IFI30: variants seen among roughly 807,000 people sequenced by gnomAD.
The protein encoded by IFI30 is IFI30 lysosomal thiol reductase, also known as gamma-interferon-inducible lysosomal thiol reductase.
Under a neutral mutation model 30.1 loss-of-function variants are expected in IFI30, and 26 were observed. That is an observed-to-expected ratio of 0.87 (90% CI 0.63 to 1.20). The LOEUF (loss-of-function observed/expected upper bound fraction) is 1.20. IFI30 is among the 50% of genes most tolerant of loss of function. The probability of loss-of-function intolerance (pLI) is 0.00; values close to 1 mark genes in which losing one functional copy is unlikely to be tolerated. For synonymous variants in IFI30, 149 were observed against 134.5 expected (o/e 1.11, Z -0.75); for missense variants, 296 against 312.5 (o/e 0.95, Z 0.40).
Position 18,175,346 on chromosome 19 carries a change from C to T in IFI30, c.351C>T (p.Cys117=). 6.3e-7 allele frequency: 1 copy of T among 1,592,426 alleles called. No individual in the cohort carries two copies. The change falls in exon 3 of 7, where the codon TGC becomes TGT. Residue 117 remains cysteine (C), a synonymous_variant. Transcript: ENST00000407280. Reference sequence around the variant, plus strand: ...TCAGTGGCAGGTGGGAGTTCAAGTGCCAGCATGGAGAAGAGGAGTGCAAAT... The same window carrying T: ...TCAGTGGCAGGTGGGAGTTCAAGTGTCAGCATGGAGAAGAGGAGTGCAAAT... ...QNVSGRWEFK[C]QHGEEECKFN... is the part of the protein sequence containing the mutation.
intron 5 of IFI30, 134 bp from the exon 6 acceptor site, chr19:18,177,577 A>T: frequency 9.6e-7 from 1 of 1,044,834 alleles, no homozygotes. Context: ...ATTGGGAAAG[A>T]TGTGCCACTG....
chr19:18,175,548 T>C, intron 3 of IFI30, 57 bp from the exon 4 acceptor site: 1 of 1,488,776 alleles, frequency 6.7e-7, no homozygotes, highest in East Asian at 2.4e-5. Flanking sequence ...TACGAGAGGG[T>C]GTCAGGGTAC....
chr19:18,177,074 G>A, intron 4 of IFI30, 66 bp from the exon 5 acceptor site: 6 of 1,458,720 alleles, frequency 4.1e-6, no homozygotes, highest in Non-Finnish European at 5.5e-6. Flanking sequence ...GCTCAGGGCT[G>A]GTGGGCGGGA....
intron 5 of IFI30, 194 bp from the exon 6 acceptor site, chr19:18,177,517 C>CA (rs1430307220): frequency 1.0e-5 from 8 of 766,662 alleles, no homozygotes; most frequent in Admixed American, 2.4e-5. Flanking sequence ...GTCCATCAGG[C>CA]AAAAAAAGTA....
chr19:18,175,365 T>C lies in IFI30; in HGVS notation c.370T>C (p.Cys124Arg). ...EFKCQHGEEECKFNKVEACVL... is the reference protein window; with the variant it reads ...EFKCQHGEEERKFNKVEACVL... ...CAAGTGCCAGCATGGAGAAGAGGAG[T>C]GCAAATTCAACAAGGTGGAGGTGAG... The change falls in exon 3 of 7, where the codon TGC (cysteine) becomes CGC (arginine). Residue 124 changes from cysteine (C) to arginine (R), a missense_variant. Transcript: ENST00000407280. The C allele has an allele frequency of 6.3e-7, 1 of 1,590,566 alleles. No individual in the cohort carries two copies. The highest frequency in any genetic ancestry group is 8.6e-7 in the Non-Finnish European group (1 of 1,169,442).
chr19:18,177,030 AC>A, intron 4 of IFI30, 109 bp from the exon 5 acceptor site: 1 of 1,182,598 alleles, frequency 8.5e-7, no homozygotes, highest in Non-Finnish European at 1.2e-6. Flanking sequence ...TGTGAAGCCA[AC>A]TGTACCCTCT....
chr19:18,173,891 TG>T lies in IFI30; in HGVS notation c.52del (p.Asp18ThrfsTer15), dbSNP rs764788458. 856 of 1,551,202 alleles carry T rather than the reference TG, an allele frequency of 5.5e-4. 6 individuals carry two copies. In the Middle Eastern group the frequency reaches 0.016, roughly 29 times the overall value. ...TTCCTGCCACCGCTGCTGCTGCTGC[TG>T]GACGTCCCCACGGCGGCGGTGCAGG... ...LLFLPPLLLL[L>X]DVPTAAVQAS... On this transcript the variant is annotated frameshift_variant, in exon 1 of 7. Transcript: ENST00000407280. LOFTEE classifies it high-confidence loss of function.
intron 5 of IFI30, 21 bp from the exon 6 acceptor site, chr19:18,177,690 C>T (rs374435415): frequency 7.4e-6 from 12 of 1,613,118 alleles, no homozygotes; most frequent in East Asian, 2.2e-5. Context: ...GAATATGCGA[C>T]CCCTGTCTTG....
chr19:18,174,115 C>G, intron 1 of IFI30, 142 bp downstream of exon 1: 1 of 781,816 alleles, frequency 1.3e-6, no homozygotes, highest in Non-Finnish European at 2.0e-6. Context: ...TGGAAAAACC[C>G]TGTTCAGTTC....
intron 4 of IFI30, 71 bp from the exon 5 acceptor site, chr19:18,177,069 G>A: frequency 2.1e-6 from 3 of 1,449,586 alleles, no homozygotes; most frequent in Non-Finnish European, 2.8e-6. Flanking sequence ...GCTTGGCTCA[G>A]GGCTGGTGGG....
At position 18,175,391 on chromosome 19, in the gene IFI30, C is replaced by G; in HGVS notation, c.390+6C>G. ...GCAAATTCAACAAGGTGGAGGTGAGCGGCCCCAGGGCCCCACACTGGGGTG... is the reference window on the plus strand; with the variant it reads ...GCAAATTCAACAAGGTGGAGGTGAGGGGCCCCAGGGCCCCACACTGGGGTG... On this transcript the variant is annotated splice_donor_region_variant and intron_variant, in intron 3 of 6. Transcript: ENST00000407280. 6.3e-7 allele frequency: 1 copy of G among 1,583,058 alleles called. No individual in the cohort carries two copies. The highest frequency in any genetic ancestry group is 8.6e-7 in the Non-Finnish European group (1 of 1,165,322).
chr19:18,175,413 G>T (rs1392335552), intron 3 of IFI30, 28 bp downstream of exon 3: 4 of 1,564,340 alleles, frequency 2.6e-6, no homozygotes, highest in Non-Finnish European at 3.5e-6. Context: ...CCCACACTGG[G>T]GTGGGGGAAA....
chr19:18,176,880 A>G (rs537160715), intron 4 of IFI30, among the ~76,000 whole-genome samples: 119 of 152,240 alleles, frequency 7.8e-4, no homozygotes, highest in Non-Finnish European at 1.2e-3. Context: ...GTGAGATACT[A>G]TGGGGGTCAG....
chr19:18,174,162 C>A, intron 1 of IFI30, 189 bp downstream of exon 1: 1 of 573,966 alleles, frequency 1.7e-6, no homozygotes, highest in Non-Finnish European at 3.0e-6. Context: ...TGCCGTTTCG[C>A]TTTCGCATCC....
At position 18,175,059 on chromosome 19, in the gene IFI30, G is replaced by C. The variant is rs200549788; in HGVS notation, c.152G>C (p.Arg51Pro). The stretch of plus-strand genomic sequence containing the variant: ...CCACAGACAGGCAATCTATACCTGC[G>C]GGGGCCCCTGAAGAAGTCCAATGCA... ...VNYKTGNLYL[R>P]GPLKKSNAPL... Residue 51 changes from arginine (R) to proline (P), a missense_variant, in exon 2 of 7, where the codon CGG becomes CCG. Physicochemically the swap from Arg to Pro is moderately radical, Grantham distance 103. Coordinates refer to ENST00000407280, the MANE Select transcript of IFI30 (RefSeq NM_006332.5). The C allele has an allele frequency of 1.7e-4, 282 of 1,613,580 alleles. No individual in the cohort carries two copies. The African/African-American group carries it at 3.4e-3, about 20-fold the overall frequency.
At chr19:18,175,873 C>T (rs1038065466) in intron 4 of IFI30, among the ~76,000 whole-genome samples, 176 bp downstream of exon 4, 1 of 152,140 alleles carries the variant, frequency 6.6e-6, no homozygotes, top group Non-Finnish European at 1.5e-5. Context: ...GACAGAGTCT[C>T]GCTCTGTCGC....
At chr19:18,174,868 C>CAAAA in intron 1 of IFI30, 172 bp from the exon 2 acceptor site, 2 of 489,482 alleles carry the variant, frequency 4.1e-6, no homozygotes, top group South Asian at 2.5e-5. Context: ...GACTCCATCT[C>CAAAA]AAAAAAAAAA....
In IFI30 at chr19:18,178,116, G is replaced by A; in HGVS notation, c.*205G>A. 1 of 599,186 alleles carries A rather than the reference G, an allele frequency of 1.7e-6. No individual in the cohort carries two copies. Among genetic ancestry groups the A allele is most frequent in the South Asian group, 2.0e-5 (1 of 50,918 alleles). The allele number at this position is 599,186 out of a possible 1,614,324, so 37.1% of individuals were successfully genotyped here. A position where few individuals can be genotyped will look rare whatever the true frequency, so the allele number is the denominator to read the frequency against. On this transcript the variant is annotated 3_prime_UTR_variant, in exon 7 of 7. Coordinates refer to ENST00000407280, the MANE Select transcript of IFI30 (RefSeq NM_006332.5). The stretch of plus-strand genomic sequence containing the variant: ...TGCTAAAGTAAAACTAGTTTAATAA[G>A]CCCTTCTGGATGGTGTAATTAATTT...
intron 1 of IFI30, 104 bp downstream of exon 1, chr19:18,174,077 C>G: frequency 9.1e-7 from 1 of 1,104,786 alleles, no homozygotes; most frequent in Non-Finnish European, 1.3e-6. Flanking sequence ...ACCAGGGCCC[C>G]GAGGGGACGC....
Sources: allele counts gnomAD v4.1 joint callset (sites outside exome capture counted in the v4.1 genomes callset), GRCh38; gene constraint gnomAD v4.1.1; transcripts MANE v1.5; gene names NCBI Gene and HGNC (gene_info 2026-07-23, HGNC 2026-07-21).